The following TIAM1 variants were observed in gnomAD, a reference collection of about 807,000 sequenced individuals.
TIAM1 encodes the protein TIAM Rac1 associated GEF 1, also known as rho guanine nucleotide exchange factor TIAM1.
TIAM1 carries 65 observed loss-of-function variants against 163.5 expected under a neutral mutation model. The observed-to-expected ratio is 0.40, with a 90% CI of 0.33 to 0.49. The LOEUF is 0.49. Among genes scored for constraint, TIAM1 ranks in the 20% least tolerant of loss-of-function variants. The pLI is 0.77. For missense variants in TIAM1, 1,789 were observed against 2,044.7 expected, an observed-to-expected ratio of 0.87 and a Z score of 2.41; for synonymous variants, 833 against 810.1, an observed-to-expected ratio of 1.03 and a Z score of -0.48.
chr21:31,168,299 C>T (rs986741869), intron 15 of TIAM1, among the ~76,000 whole-genome samples: 8 of 151,936 alleles, frequency 5.3e-5, no homozygotes, highest in Admixed American at 1.3e-4. Flanking sequence ...GCCATGTTTG[C>T]CAGGCTGGTC....
intron 2 of TIAM1, among the ~76,000 whole-genome samples, chr21:31,398,853 C>T (rs1479849163): frequency 6.6e-6 from 1 of 152,098 alleles, no homozygotes; most frequent in Non-Finnish European, 1.5e-5. Flanking sequence ...CTCTTATCAC[C>T]CAGGCTCTGA....
At chr21:31,152,135 C>T (rs57423657) in intron 19 of TIAM1, among the ~76,000 whole-genome samples, 5 of 150,090 alleles carry the variant, frequency 3.3e-5, no homozygotes, top group Admixed American at 1.3e-4. Flanking sequence ...CAGGTTCAAG[C>T]GATTCTCCTG....
chr21:31,456,082 G>A (rs2045088063), intron 2 of TIAM1, among the ~76,000 whole-genome samples: 1 of 152,226 alleles, frequency 6.6e-6, no homozygotes, highest in Admixed American at 6.5e-5. Flanking sequence ...GAATTCCAGG[G>A]TAGCAGAACA....
At chr21:31,148,271 T>C (rs1484353199) in intron 19 of TIAM1, among the ~76,000 whole-genome samples, 2 of 152,078 alleles carry the variant, frequency 1.3e-5, no homozygotes, top group African/African-American at 4.8e-5. Flanking sequence ...ATAATCCCCA[T>C]ATGTTGTGAG....
At chr21:31,294,678 T>C (rs1474764143) in intron 2 of TIAM1, among the ~76,000 whole-genome samples, 2 of 152,220 alleles carry the variant, frequency 1.3e-5, no homozygotes, top group African/African-American at 4.8e-5. Flanking sequence ...ATCATTAATG[T>C]AGAGATTTAT....
chr21:31,248,195 A>G (rs1232445844), intron 5 of TIAM1, among the ~76,000 whole-genome samples: 1 of 152,224 alleles, frequency 6.6e-6, no homozygotes. Flanking sequence ...ACATAAAAGG[A>G]GCAACACACG....
chr21:31,346,192 G>GTGC (rs201092903), upstream of TIAM1, among the ~76,000 whole-genome samples: 9 of 152,124 alleles, frequency 5.9e-5, no homozygotes, highest in East Asian at 1.9e-4. Context: ...AATGCCAATA[G>GTGC]TGCTGCTGCT....
chr21:31,209,973 C>A, intron 11 of TIAM1, 72 bp downstream of exon 11: 1 of 1,514,006 alleles, frequency 6.6e-7, no homozygotes, highest in South Asian at 1.3e-5. Flanking sequence ...TCTGGGTTTC[C>A]ACATGTGCCT....
intron 2 of TIAM1, among the ~76,000 whole-genome samples, chr21:31,402,019 C>T (rs573806970): frequency 6.6e-6 from 1 of 152,064 alleles, no homozygotes; most frequent in African/African-American, 2.4e-5. Flanking sequence ...TCGACATCAT[C>T]CTGGCCAACA....
chr21:31,390,421 A>G (rs896757020), intron 2 of TIAM1, among the ~76,000 whole-genome samples: 2 of 152,214 alleles, frequency 1.3e-5, no homozygotes, highest in African/African-American at 4.8e-5. Context: ...ATATCTTCCA[A>G]TTTAAACTTG....
intron 2 of TIAM1, among the ~76,000 whole-genome samples, chr21:31,449,344 AAAC>A (rs1260286132): frequency 1.3e-5 from 2 of 151,988 alleles, no homozygotes; most frequent in Non-Finnish European, 2.9e-5. Context: ...GTGCTCAAAA[AAAC>A]AGTCATAGTT....
intron 2 of TIAM1, among the ~76,000 whole-genome samples, chr21:31,289,660 T>C (rs2251496): frequency 1.3e-5 from 2 of 152,022 alleles, no homozygotes; most frequent in Non-Finnish European, 2.9e-5. Context: ...AGATTTGTTA[T>C]GTAGAAGAAA....
intron 13 of TIAM1, among the ~76,000 whole-genome samples, chr21:31,193,894 G>A (rs2085699813): frequency 6.6e-6 from 1 of 152,112 alleles, no homozygotes; most frequent in African/African-American, 2.4e-5. Flanking sequence ...AAGAAGCAGT[G>A]AACATGGCCC....
chr21:31,403,306 C>G (rs2077195632), intron 2 of TIAM1, among the ~76,000 whole-genome samples: 2 of 152,108 alleles, frequency 1.3e-5, no homozygotes, highest in African/African-American at 4.8e-5. Context: ...TGCCACCACA[C>G]CCGGCTAATT....
chr21:31,503,060 T>C (rs116008353), intron 1 of TIAM1, among the ~76,000 whole-genome samples: 30 of 152,142 alleles, frequency 2.0e-4, no homozygotes, highest in African/African-American at 7.2e-4. Context: ...TGTACCAAGG[T>C]CAAAATTGTC....
chr21:31,214,311 T>A (rs2087051782), intron 9 of TIAM1, among the ~76,000 whole-genome samples: 1 of 151,068 alleles, frequency 6.6e-6, no homozygotes, highest in Admixed American at 6.6e-5. Context: ...GGCAACAGAC[T>A]GAGACCTTGT....
chr21:31,217,040 C>A (rs535549352), intron 9 of TIAM1, among the ~76,000 whole-genome samples: 1 of 152,180 alleles, frequency 6.6e-6, no homozygotes, highest in Non-Finnish European at 1.5e-5. Flanking sequence ...AACCCCATCT[C>A]TACTAAAAAC....
chr21:31,347,842 C>T (rs1044415869), upstream of TIAM1, among the ~76,000 whole-genome samples: 1 of 149,666 alleles, frequency 6.7e-6, no homozygotes, highest in African/African-American at 2.6e-5. Flanking sequence ...AAACTGCAAA[C>T]CCTGACACCC....
intron 2 of TIAM1, among the ~76,000 whole-genome samples, chr21:31,461,867 G>A (rs753898616): frequency 4.6e-5 from 7 of 152,026 alleles, no homozygotes; most frequent in Middle Eastern, 3.2e-3. Context: ...GGGTCTCTCC[G>A]TGTTGCCCAG....
Sources: allele counts gnomAD v4.1 joint callset (sites outside exome capture counted in the v4.1 genomes callset), GRCh38; gene constraint gnomAD v4.1.1; transcripts MANE v1.5; gene names NCBI Gene and HGNC (gene_info 2026-07-23, HGNC 2026-07-21).